The following LGR5 variants were observed in gnomAD, a reference collection of about 807,000 sequenced individuals.
LGR5 encodes leucine-rich repeat-containing G protein-coupled receptor 5.
In LGR5, 54 loss-of-function variants were observed where a neutral mutation model predicts 76.7. That is an observed-to-expected ratio of 0.70 (90% CI 0.57 to 0.88). The LOEUF is 0.88. Among genes scored for constraint, LGR5 ranks in the 40% least tolerant of loss-of-function variants. LGR5 has a pLI of 0.00. For synonymous variants in LGR5, 406 were observed against 421.9 expected, an observed-to-expected ratio of 0.96 and a Z score of 0.46; for missense variants, 1,078 against 1,073.3, an observed-to-expected ratio of 1.00 and a Z score of -0.06.
chr12:71,506,480 T>C (rs1417867106), intron 2 of LGR5, among the ~76,000 whole-genome samples: 2 of 152,158 alleles, frequency 1.3e-5, no homozygotes, highest in Non-Finnish European at 2.9e-5. Context: ...AAAAAGATAG[T>C]TGAAAAAAAA....
upstream of LGR5, chr12:71,439,752 T>G: frequency 7.0e-6 from 2 of 284,910 alleles, no homozygotes; most frequent in Non-Finnish European, 1.3e-5. Context: ...GGGCGCGCAA[T>G]TCGGGCTGGA....
chr12:71,461,790 A>G (rs900245622), intron 1 of LGR5, among the ~76,000 whole-genome samples: 1 of 152,078 alleles, frequency 6.6e-6, no homozygotes, highest in African/African-American at 2.4e-5. Flanking sequence ...AATGCCACCA[A>G]TGACCTCCTA....
chr12:71,518,705 G>A (rs1875569666), intron 2 of LGR5, among the ~76,000 whole-genome samples: 2 of 152,088 alleles, frequency 1.3e-5, no homozygotes, highest in South Asian at 4.1e-4. Flanking sequence ...GCAGAAACAT[G>A]GATGGAGGCC....
At chr12:71,547,228 TA>T (rs1877222282) in intron 4 of LGR5, among the ~76,000 whole-genome samples, 1 of 152,020 alleles carries the variant, frequency 6.6e-6, no homozygotes, top group South Asian at 2.1e-4. Flanking sequence ...GGACACCAAC[TA>T]TTCTATTGCT....
chr12:71,494,951 CT>C (rs1565690868), intron 1 of LGR5, among the ~76,000 whole-genome samples: 1 of 151,048 alleles, frequency 6.6e-6, no homozygotes, highest in Non-Finnish European at 1.5e-5. Flanking sequence ...AGCTTGAAAT[CT>C]GAGAGGGACT....
rs190386158 is a variant in LGR5 at position 71,534,722 on chromosome 12, T to G, written c.357-393T>G. 5.3e-4 allele frequency among the ~76,000 whole-genome samples: 80 copies of G among 152,310 alleles called. 1 individual carries two copies. Among genetic ancestry groups the G allele is most frequent in the Non-Finnish European group, 5.9e-5 (4 of 68,020 alleles). On this transcript the variant is annotated intron_variant, in intron 3 of 17. Coordinates refer to ENST00000266674, the MANE Select transcript of LGR5 (RefSeq NM_003667.4). ...GCAAGCTCCCTCCAGCCTCCAGCCCTTGTACTTACTCTTCTCTTTTCCTTG... is the reference window on the plus strand; with the variant it reads ...GCAAGCTCCCTCCAGCCTCCAGCCCGTGTACTTACTCTTCTCTTTTCCTTG...
intron 4 of LGR5, among the ~76,000 whole-genome samples, chr12:71,536,892 A>C (rs747722310): frequency 6.6e-6 from 1 of 152,236 alleles, no homozygotes; most frequent in African/African-American, 2.4e-5. Flanking sequence ...CTGGTTTTGC[A>C]AAAAGAATAA....
In LGR5 at chr12:71,440,920, C is replaced by CA. The variant is rs1419500422; in HGVS notation, c.212+631dup. On this transcript the variant is annotated intron_variant, in intron 1 of 17. Transcript: ENST00000266674. This position sits in a 1 kb window ranked among gnomAD's most constrained non-coding sequence, Gnocchi z 5.3. ...CGGCGTGATTAAAATGTGGCAACCACAAACCCCGATTAGAGCTGCCAGAAC... is the reference window on the plus strand; with the variant it reads ...CGGCGTGATTAAAATGTGGCAACCACAAAACCCCGATTAGAGCTGCCAGAAC... Among the ~76,000 whole-genome samples, 3 of 152,076 alleles carry CA rather than the reference C, an allele frequency of 2.0e-5. No individual in the cohort carries two copies. Among genetic ancestry groups the CA allele is most frequent in the Non-Finnish European group, 4.4e-5 (3 of 68,032 alleles).
intron 2 of LGR5, among the ~76,000 whole-genome samples, chr12:71,508,139 A>G (rs1308863467): frequency 6.6e-6 from 1 of 151,740 alleles, no homozygotes; most frequent in African/African-American, 2.4e-5. Flanking sequence ...GAGGCAAGGG[A>G]ATCGCTTGAA....
intron 17 of LGR5, among the ~76,000 whole-genome samples, chr12:71,582,858 T>C (rs956441421): frequency 6.6e-6 from 1 of 152,174 alleles, no homozygotes; most frequent in African/African-American, 2.4e-5. Flanking sequence ...TCTTGTTTTG[T>C]GTAATCACCG....
intron 4 of LGR5, among the ~76,000 whole-genome samples, chr12:71,551,006 T>C (rs1877455405): frequency 6.6e-6 from 1 of 152,198 alleles, no homozygotes; most frequent in Admixed American, 6.5e-5. Flanking sequence ...AGAGATGGTG[T>C]TGAATTTTCT....
intron 1 of LGR5, among the ~76,000 whole-genome samples, chr12:71,449,720 A>G (rs781417851): frequency 6.6e-6 from 1 of 152,234 alleles, no homozygotes; most frequent in Non-Finnish European, 1.5e-5. Flanking sequence ...TGTATATTAC[A>G]AAGGAAAGCA....
In LGR5 at chr12:71,509,645, G is replaced by A. The variant is rs577284389; in HGVS notation, c.284+4960G>A. Among the ~76,000 whole-genome samples the A allele has an allele frequency of 5.2e-4, 79 of 152,252 alleles. No individual in the cohort carries two copies. The South Asian group carries it at 0.011, about 22-fold the overall frequency. On this transcript the variant is annotated intron_variant, in intron 2 of 17. Coordinates refer to ENST00000266674, the MANE Select transcript of LGR5 (RefSeq NM_003667.4). ...ATGGCAGATGGTGACTATTACTGGC[G>A]TCTACAAGTTACATTAAACTTAGCT...
At chr12:71,478,967 A>G (rs1873462672) in intron 1 of LGR5, among the ~76,000 whole-genome samples, 2 of 152,356 alleles carry the variant, frequency 1.3e-5, no homozygotes, top group South Asian at 4.1e-4. Context: ...CTATTTCACG[A>G]AGGACATTTT....
intron 11 of LGR5, 148 bp downstream of exon 11, chr12:71,567,060 T>A (rs1290424525): frequency 1.5e-6 from 1 of 661,924 alleles, no homozygotes; most frequent in Non-Finnish European, 2.7e-6. Context: ...TTGCCCTCTT[T>A]GGTCCAGGCT....
chr12:71,443,390 T>C (rs1424716409), intron 1 of LGR5, among the ~76,000 whole-genome samples: 3 of 152,194 alleles, frequency 2.0e-5, no homozygotes, highest in Admixed American at 6.5e-5. Flanking sequence ...ACTGGACCAA[T>C]AAACCGAGTG....
rs1565771986 is a variant in LGR5, at chr12:71,572,831, TG to T, written c.1137-17del. The T allele has an allele frequency of 6.2e-7, 1 of 1,603,800 alleles. No individual in the cohort carries two copies. Among genetic ancestry groups the T allele is most frequent in the Non-Finnish European group, 8.5e-7 (1 of 1,170,934 alleles). On this transcript the variant is annotated intron_variant, in intron 12 of 17. Coordinates refer to ENST00000266674, the MANE Select transcript of LGR5 (RefSeq NM_003667.4). ...AACCAGTAACTTTGAAATCAATCTT[TG>T]GAACCCTGTCATTTCAGTGACCTAA... is the stretch of plus-strand genomic sequence containing the variant.
At chr12:71,489,468 G>A (rs1331754313) in intron 1 of LGR5, among the ~76,000 whole-genome samples, 1 of 152,096 alleles carries the variant, frequency 6.6e-6, no homozygotes, top group Non-Finnish European at 1.5e-5. Context: ...ATGATCATAA[G>A]TAATTTGATT....
rs1247994949 is a variant in LGR5 at position 71,585,826 on chromosome 12, G to A, written c.*1092G>A. 1 of 152,154 alleles carries A rather than the reference G, an allele frequency of 6.6e-6. No homozygotes were observed. The highest frequency in any genetic ancestry group is 1.5e-5 in the Non-Finnish European group (1 of 68,038). 9.4% of individuals were successfully genotyped at this position (152,154 alleles called of 1,614,324 possible). A position where few individuals can be genotyped will look rare whatever the true frequency, so the allele number is the denominator to read the frequency against. ...GTTCTCTCTGGATAACCCACTTGATGTTAGGAACATTACTTCTCTGCTTAT... is the reference window on the plus strand; with the variant it reads ...GTTCTCTCTGGATAACCCACTTGATATTAGGAACATTACTTCTCTGCTTAT... On this transcript the variant is annotated 3_prime_UTR_variant, in exon 18 of 18. Transcript: ENST00000266674.
Sources: gnomAD v4.1 joint callset for allele counts (sites outside exome capture counted in the v4.1 genomes callset) on GRCh38, gnomAD v4.1.1 for gene constraint, Gnocchi (gnomAD v3.1) non-coding constraint, MANE v1.5 for transcripts, NCBI Gene and HGNC (gene_info 2026-07-23, HGNC 2026-07-21) for gene names.